KIF15: variants seen among roughly 807,000 people sequenced by gnomAD.
KIF15 encodes kinesin family member 15.
A neutral mutation model predicts 190.6 loss-of-function variants in KIF15; 140 were observed. That is an observed-to-expected ratio of 0.73 (90% CI 0.64 to 0.84). The LOEUF (loss-of-function observed/expected upper bound fraction) is 0.84. Among genes scored for constraint, KIF15 ranks in the 40% least tolerant of loss-of-function variants. KIF15 has a pLI of 0.00. For synonymous variants in KIF15, 528 were observed against 551.3 expected (o/e 0.96, Z 0.59); for missense variants, 1,372 against 1,584.4 (o/e 0.87, Z 2.28).
intron 6 of KIF15, chr3:44,861,984 C>G: frequency 7.2e-7 from 1 of 1,383,778 alleles, no homozygotes; most frequent in African/African-American, 1.5e-5. Flanking sequence ...ACCCTGACAC[C>G]CCCGCGGAAT....
intron 1 of KIF15, 77 bp from the exon 2 acceptor site, chr3:44,774,318 C>T: frequency 1.5e-6 from 2 of 1,323,268 alleles, no homozygotes; most frequent in Non-Finnish European, 2.1e-6. Context: ...TAGCAGGCAA[C>T]CCAGGAACAT....
chr3:44,771,068 A>G (rs1395302584), intron 1 of KIF15, among the ~76,000 whole-genome samples: 4 of 152,194 alleles, frequency 2.6e-5, no homozygotes, highest in Non-Finnish European at 4.4e-5. Context: ...GAGAGCACCT[A>G]TGAAAGTTCT....
chr3:44,839,915 C>G (rs985809948), intron 27 of KIF15, among the ~76,000 whole-genome samples: 4 of 152,176 alleles, frequency 2.6e-5, no homozygotes, highest in African/African-American at 9.7e-5. Context: ...ATTTTCTTTA[C>G]CCATTCTCCC....
chr3:44,783,586 C>CAAA lies in KIF15; in HGVS notation c.362-1259_362-1258insAAA, dbSNP rs1706268272. On this transcript the variant is annotated intron_variant, in intron 5 of 34. Transcript: ENST00000326047. The stretch of plus-strand genomic sequence containing the variant: ...AGAATTGGGGCAAAACATACTATAT[C>CAAA]TTTATATAATATATTCTTCAATGGG... Among the ~76,000 whole-genome samples, 4 of 151,984 alleles carry CAAA rather than the reference C, an allele frequency of 2.6e-5. No individual in the cohort carries two copies. The South Asian group carries it at 8.3e-4, about 32-fold the overall frequency.
chr3:44,864,743 A>G (rs778661926), intron 6 of KIF15, among the ~76,000 whole-genome samples: 2 of 152,144 alleles, frequency 1.3e-5, no homozygotes, highest in Non-Finnish European at 2.9e-5. Flanking sequence ...AGCGTAGTCA[A>G]TCTTGAGTTG....
chr3:44,828,411 G>T, intron 24 of KIF15, 111 bp downstream of exon 24: 1 of 694,736 alleles, frequency 1.4e-6, no homozygotes. Context: ...TAGATAATAT[G>T]AATATTTCTA....
intron 26 of KIF15, among the ~76,000 whole-genome samples, chr3:44,835,266 G>T (rs981990856): frequency 2.6e-5 from 4 of 151,954 alleles, no homozygotes; most frequent in Non-Finnish European, 4.4e-5. Context: ...TTGAGACAGG[G>T]TCTTGTTTTG....
intron 5 of KIF15, among the ~76,000 whole-genome samples, chr3:44,781,300 T>G (rs1261408879): frequency 6.6e-6 from 1 of 152,202 alleles, no homozygotes; most frequent in Non-Finnish European, 1.5e-5. Context: ...TAATATTGCT[T>G]GTTTTTGATC....
chr3:44,800,794 C>A (rs2125636243), intron 11 of KIF15, among the ~76,000 whole-genome samples: 1 of 152,176 alleles, frequency 6.6e-6, no homozygotes, highest in African/African-American at 2.4e-5. Flanking sequence ...AACTGGAAAT[C>A]CATAAAGGCA....
Position 44,829,963 on chromosome 3 carries a change from C to T in KIF15, c.2944-8C>T. On this transcript the variant is annotated splice_polypyrimidine_tract_variant and splice_region_variant and intron_variant, in intron 24 of 34. Transcript: ENST00000326047. Reference sequence around the variant, plus strand: ...TGGGTATGAAGATATTATTTCTGTCCTCATCAGAAAGTTGTAGCTGACCTC... The same window carrying T: ...TGGGTATGAAGATATTATTTCTGTCTTCATCAGAAAGTTGTAGCTGACCTC... 2 of 1,528,420 alleles carry T rather than the reference C, an allele frequency of 1.3e-6. No homozygotes were observed. The highest frequency in any genetic ancestry group is 1.2e-5 in the South Asian group (1 of 80,566). 94.7% of individuals were successfully genotyped at this position (1,528,420 alleles called of 1,614,324 possible).
intron 7 of KIF15, among the ~76,000 whole-genome samples, chr3:44,791,179 C>T (rs899464618): frequency 3.3e-5 from 5 of 151,600 alleles, no homozygotes; most frequent in African/African-American, 4.9e-5. Flanking sequence ...CTTTTCTTGC[C>T]TTTTTGTTTT....
intron 12 of KIF15, 67 bp downstream of exon 12, chr3:44,801,593 G>A: frequency 9.3e-7 from 1 of 1,076,986 alleles, no homozygotes; most frequent in Admixed American, 1.9e-5. Context: ...GGTTTTTATT[G>A]CCTTACTAAG....
intron 1 of KIF15, among the ~76,000 whole-genome samples, chr3:44,766,956 G>A (rs1321118415): frequency 4.0e-5 from 6 of 151,782 alleles, no homozygotes; most frequent in East Asian, 3.9e-4. Context: ...GACTACAGGC[G>A]CCTGCCACCA....
rs546783608 is a variant in KIF15 at position 44,780,908 on chromosome 3, C to A, written c.347C>A (p.Thr116Lys). 8.7e-6 allele frequency: 14 copies of A among 1,601,374 alleles called. No individual in the cohort carries two copies. The South Asian group carries it at 1.3e-4, about 15-fold the overall frequency. Residue 116 changes from threonine (T) to lysine (K), a missense_variant, in exon 5 of 35, where the codon ACA (threonine) becomes AAA (lysine). Coordinates refer to ENST00000326047, the MANE Select transcript of KIF15 (RefSeq NM_020242.3). ...AGTGGACAGACTGGCTCAGGGAAGA[C>A]ATTTACTATGATGGGTAAGTAAAGA... is the stretch of plus-strand genomic sequence containing the variant. ...FAYGQTGSGK[T>K]FTMMGPSESD...
chr3:44,805,567 G>A (rs1241242503), intron 15 of KIF15, among the ~76,000 whole-genome samples: 1 of 152,126 alleles, frequency 6.6e-6, no homozygotes, highest in Admixed American at 6.5e-5. Flanking sequence ...ATAAACAAAT[G>A]TTTGGTTCAA....
At chr3:44,865,198 G>T in intron 6 of KIF15, 1 of 1,614,000 alleles carries the variant, frequency 6.2e-7, no homozygotes, top group South Asian at 1.1e-5. Flanking sequence ...TGGCTAGACG[G>T]ACCAGCTGGA....
intron 22 of KIF15, chr3:44,826,892 T>A: frequency 2.7e-6 from 1 of 373,870 alleles, no homozygotes; most frequent in Non-Finnish European, 5.4e-6. Flanking sequence ...TCTCAGTGAA[T>A]CTTTGGGCCT....
Position 44,805,872 on chromosome 3 carries a change from G to A in KIF15, c.1857G>A (p.Glu619=), listed in dbSNP as rs1008962794. ...AAAGGCAGCTAGAATTGGAATCAGA[G>A]CTTCAGTCTTTGCAAAAAGCGAACC... The part of the protein sequence containing the change: ...TRKRQLELES[E]LQSLQKANLN... Residue 619 remains glutamate, a synonymous_variant, in exon 16 of 35, where the codon GAG becomes GAA. Transcript: ENST00000326047. 17 of 1,613,918 alleles carry A rather than the reference G, an allele frequency of 1.1e-5. No individual in the cohort carries two copies. The highest frequency in any genetic ancestry group is 2.2e-5 in the South Asian group (2 of 91,044).
At chr3:44,782,083 CCT>C (rs796691596) in intron 5 of KIF15, among the ~76,000 whole-genome samples, 76 of 151,866 alleles carry the variant, frequency 5.0e-4, no homozygotes, top group African/African-American at 1.5e-3. Context: ...GGAGCCTGCC[CCT>C]GTCGCCTAGG....
Sources: allele counts gnomAD v4.1 joint callset (sites outside exome capture counted in the v4.1 genomes callset), GRCh38; gene constraint gnomAD v4.1.1; transcripts MANE v1.5; gene names NCBI Gene and HGNC (gene_info 2026-07-23, HGNC 2026-07-21).